The following CEP192 variants were observed in gnomAD, a reference collection of about 807,000 sequenced individuals.
CEP192 encodes centrosomal protein of 192 kDa.
In CEP192, 151 loss-of-function variants were observed where a neutral mutation model predicts 271.8. The ratio of observed to expected loss-of-function variants is 0.56; its 90% CI spans 0.49 to 0.64. The LOEUF is 0.64. Ranked by LOEUF, CEP192 falls within the 30% of genes least tolerant of loss-of-function variation. The pLI is 0.00. For missense variants in CEP192, 2,910 were observed against 3,020.5 expected, an observed-to-expected ratio of 0.96 and a Z score of 0.86; for synonymous variants, 995 against 1,076.5, an observed-to-expected ratio of 0.92 and a Z score of 1.48.
chr18:13,033,587 A>G (rs754551003), intron 11 of CEP192, among the ~76,000 whole-genome samples: 55 of 152,376 alleles, frequency 3.6e-4, no homozygotes, highest in Non-Finnish European at 5.9e-4. Flanking sequence ...ATACACTTGC[A>G]TAAATGATAC....
intron 11 of CEP192, among the ~76,000 whole-genome samples, chr18:13,031,362 C>T (rs1261655436): frequency 1.3e-5 from 2 of 151,256 alleles, no homozygotes; most frequent in African/African-American, 4.9e-5. Flanking sequence ...ATTCTCCTGC[C>T]TCAGCCTCCC....
rs71370929 is a variant in CEP192, at chr18:13,066,963, C to CTCTGTGTGTG, written c.4489-867_4489-866insCTGTGTGTGT. Among the ~76,000 whole-genome samples, 26 of 143,512 alleles carry CTCTGTGTGTG rather than the reference C, an allele frequency of 1.8e-4. No homozygotes were observed. The South Asian group carries it at 5.9e-3, about 32-fold the overall frequency. 94.1% of individuals were successfully genotyped at this position (143,512 alleles called of 152,430 possible). A position where few individuals can be genotyped will look rare whatever the true frequency, so the allele number is the denominator to read the frequency against. On this transcript the variant is annotated intron_variant, in intron 21 of 44. Coordinates refer to ENST00000506447, the MANE Select transcript of CEP192 (RefSeq NM_032142.4). Reference sequence around the variant, plus strand: ...AGAGCAAAACAAAATGTGAGCACGTCTGTGTGTGTGTGTGTGTGTGTGTGT... The same window carrying CTCTGTGTGTG: ...AGAGCAAAACAAAATGTGAGCACGTCTCTGTGTGTGTGTGTGTGTGTGTGTGTGTGTGTGT...
intron 15 of CEP192, among the ~76,000 whole-genome samples, chr18:13,046,731 T>A (rs2036501623): frequency 6.6e-6 from 1 of 152,026 alleles, no homozygotes; most frequent in African/African-American, 2.4e-5. Flanking sequence ...ATGTTTTATT[T>A]CTATATTTAA....
At chr18:13,001,396 G>T in intron 2 of CEP192, 61 bp from the exon 3 acceptor site, 6 of 1,229,646 alleles carry the variant, frequency 4.9e-6, no homozygotes, top group Non-Finnish European at 6.8e-6. Flanking sequence ...CCTATGTCAT[G>T]ATGACATTTA....
intron 44 of CEP192, among the ~76,000 whole-genome samples, chr18:13,121,808 C>T (rs1287297876): frequency 6.6e-6 from 1 of 152,182 alleles, no homozygotes; most frequent in African/African-American, 2.4e-5. Flanking sequence ...CCCTGCATGT[C>T]ATTTGGGAGA....
In CEP192 at chr18:13,038,407, T is replaced by C. The variant is rs964670893; in HGVS notation, c.1637T>C (p.Leu546Pro). 1 of 1,551,682 alleles carries C rather than the reference T, an allele frequency of 6.4e-7. No homozygotes were observed. Among genetic ancestry groups the C allele is most frequent in the Non-Finnish European group, 8.7e-7 (1 of 1,146,954 alleles). Residue 546 changes from leucine to proline, a missense_variant, in exon 13 of 45, where the codon CTG becomes CCG. Leu to Pro is a moderately conservative substitution (Grantham distance 98). Coordinates refer to ENST00000506447, the MANE Select transcript of CEP192 (RefSeq NM_032142.4). The stretch of plus-strand genomic sequence containing the variant: ...GATGCTCATAATACTTCGGTTGCAC[T>C]GGGCGATACGTCCTGGGGAGCTACA... ...NIDAHNTSVA[L>P]GDTSWGATIN...
chr18:13,102,023 C>T (rs543699298), intron 38 of CEP192, among the ~76,000 whole-genome samples: 1 of 152,100 alleles, frequency 6.6e-6, no homozygotes, highest in Non-Finnish European at 1.5e-5. Flanking sequence ...TCCACCCTTG[C>T]AGTGAAACCA....
chr18:13,059,058 G>T, intron 20 of CEP192, 24 bp from the exon 21 acceptor site: 2 of 1,524,240 alleles, frequency 1.3e-6, no homozygotes, highest in South Asian at 2.2e-5. Flanking sequence ...CATTAATAAC[G>T]AACTTTATGG....
chr18:13,037,297 T>C lies in CEP192; in HGVS notation c.1595T>C (p.Ile532Thr). 1.5e-6 allele frequency: 2 copies of C among 1,292,128 alleles called. No individual in the cohort carries two copies. Among genetic ancestry groups the C allele is most frequent in the Non-Finnish European group, 2.2e-6 (2 of 914,634 alleles). The allele number at this position is 1,292,128 out of a possible 1,614,324, so 80.0% of individuals were successfully genotyped here. ...EEEFNKEHQF[I>T]QEENIDAHNT... ...GAATTTAATAAAGAGCATCAATTTA[T>C]ACAGGTTTGTAATTATTTGTTTTAT... Residue 532 changes from isoleucine to threonine, a missense_variant, in exon 12 of 45, where the codon ATA (isoleucine) becomes ACA (threonine). Physicochemically the swap from Ile to Thr is moderately conservative, Grantham distance 89. Transcript: ENST00000506447.
chr18:13,009,463 A>G (rs899376175), intron 4 of CEP192, among the ~76,000 whole-genome samples: 14 of 152,228 alleles, frequency 9.2e-5, no homozygotes, highest in Non-Finnish European at 1.8e-4. Context: ...ATGAATTATA[A>G]GTTCTAAAAG....
rs76514340 is a variant in CEP192, at chr18:12,994,205, G to T, written c.-5+2768G>T. Among the ~76,000 whole-genome samples, 6 of 152,280 alleles carry T rather than the reference G, an allele frequency of 3.9e-5. No homozygotes were observed. The East Asian group carries it at 1.2e-3, about 29-fold the overall frequency. On this transcript the variant is annotated intron_variant, in intron 1 of 44. Transcript: ENST00000506447. ...ACAGATAAATACAAGAATAAATAGTGATAAATGCTGAAGAAATTTAAATGG... is the reference window on the plus strand; with the variant it reads ...ACAGATAAATACAAGAATAAATAGTTATAAATGCTGAAGAAATTTAAATGG...
Position 13,015,315 on chromosome 18 carries a change from T to C in CEP192, c.520-13T>C. Reference sequence around the variant, plus strand: ...GAATGTGCTTCTCTTACTTGCCATTTTGTTTCTTATAGATTGTTGTGCTTG... The same window carrying C: ...GAATGTGCTTCTCTTACTTGCCATTCTGTTTCTTATAGATTGTTGTGCTTG... On this transcript the variant is annotated splice_polypyrimidine_tract_variant and intron_variant, in intron 5 of 44. Coordinates refer to ENST00000506447, the MANE Select transcript of CEP192 (RefSeq NM_032142.4). 1 of 1,548,534 alleles carries C rather than the reference T, an allele frequency of 6.5e-7. No homozygotes were observed. The highest frequency in any genetic ancestry group is 1.2e-5 in the South Asian group (1 of 83,754).
At position 13,037,225 on chromosome 18, in the gene CEP192, T is replaced by A. The variant is rs1177423749; in HGVS notation, c.1535-12T>A. On this transcript the variant is annotated splice_polypyrimidine_tract_variant and intron_variant, in intron 11 of 44. Coordinates refer to ENST00000506447, the MANE Select transcript of CEP192 (RefSeq NM_032142.4). The stretch of plus-strand genomic sequence containing the variant: ...TTAGTGTAATGTATTTATATAAACA[T>A]TCTTTTTTAAGCTGAAGCATTTGAT... 8.6e-7 allele frequency: 1 copy of A among 1,165,528 alleles called. No homozygotes were observed. Among genetic ancestry groups the A allele is most frequent in the South Asian group, 1.3e-5 (1 of 74,472 alleles). 72.2% of individuals were successfully genotyped at this position (1,165,528 alleles called of 1,614,324 possible).
rs899151058 is a variant in CEP192, at chr18:13,015,523, A to T, written c.640+75A>T. The T allele has an allele frequency of 5.4e-6, 8 of 1,473,034 alleles. No homozygotes were observed. In the African/African-American group the frequency reaches 1.0e-4, roughly 18 times the overall value. The allele number at this position is 1,473,034 out of a possible 1,614,324, so 91.2% of individuals were successfully genotyped here. ...TTTATTCTTCTTTGTTGCAGTAGTT[A>T]TGATGCCAACTTTTTGGGTTTTTTG... On this transcript the variant is annotated intron_variant, in intron 6 of 44. Coordinates refer to ENST00000506447, the MANE Select transcript of CEP192 (RefSeq NM_032142.4).
intron 30 of CEP192, among the ~76,000 whole-genome samples, chr18:13,075,169 G>A (rs1225231868): frequency 1.3e-5 from 2 of 152,220 alleles, no homozygotes; most frequent in African/African-American, 4.8e-5. Flanking sequence ...AAAAAGGCCT[G>A]AGGGAGGGAG....
chr18:13,086,798 C>G (rs1306085403), intron 30 of CEP192, among the ~76,000 whole-genome samples: 1 of 152,164 alleles, frequency 6.6e-6, no homozygotes, highest in Non-Finnish European at 1.5e-5. Flanking sequence ...CTTAGCCTAT[C>G]AGAAGCCAGA....
At chr18:13,032,580 C>T (rs143008207) in intron 11 of CEP192, among the ~76,000 whole-genome samples, 4 of 152,250 alleles carry the variant, frequency 2.6e-5, no homozygotes, top group Non-Finnish European at 4.4e-5. Context: ...ACCTGTTTGG[C>T]AGTGTCTTGT....
At chr18:13,113,215 T>C (rs1320244830) in intron 40 of CEP192, among the ~76,000 whole-genome samples, 1 of 152,234 alleles carries the variant, frequency 6.6e-6, no homozygotes, top group Admixed American at 6.5e-5. Flanking sequence ...TGGTACTGCT[T>C]GGCCAGCAGA....
At chr18:13,063,482 T>C (rs1279902638) in intron 21 of CEP192, among the ~76,000 whole-genome samples, 1 of 152,250 alleles carries the variant, frequency 6.6e-6, no homozygotes. Flanking sequence ...GTCGAGCACC[T>C]TTTCATATGC....
Sources: gnomAD v4.1 joint callset for allele counts (sites outside exome capture counted in the v4.1 genomes callset) on GRCh38, gnomAD v4.1.1 for gene constraint, MANE v1.5 for transcripts, NCBI Gene and HGNC (gene_info 2026-07-23, HGNC 2026-07-21) for gene names.